Variants in DTWD2 observed in about 807,000 individuals in gnomAD.
DTWD2 encodes the protein DTW motif tRNA-uridine aminocarboxypropyltransferase 2.
A neutral mutation model predicts 31.8 loss-of-function variants in DTWD2; 39 were observed. The ratio of observed to expected loss-of-function variants is 1.22; its 90% CI spans 0.95 to 1.60. The LOEUF is 1.60. Among genes scored for constraint, DTWD2 ranks in the 40% most tolerant of loss-of-function variants. The pLI is 0.00. For missense variants in DTWD2, 515 were observed against 381.5 expected (o/e 1.35, Z -2.92); for synonymous variants, 180 against 142.8 (o/e 1.26, Z -1.86).
intron 1 of DTWD2, among the ~76,000 whole-genome samples, chr5:118,954,563 G>T (rs541947850): frequency 6.6e-6 from 1 of 152,114 alleles, no homozygotes; most frequent in African/African-American, 2.4e-5. Flanking sequence ...ACCCAGGCTG[G>T]AGTGCAGTGG....
intron 4 of DTWD2, among the ~76,000 whole-genome samples, chr5:118,922,987 A>T (rs1753735503): frequency 6.6e-6 from 1 of 152,124 alleles, no homozygotes; most frequent in Admixed American, 6.5e-5. Context: ...TCTTTTTTTT[A>T]ACCAGCACAT....
chr5:118,876,848 G>A (rs905002374), intron 4 of DTWD2, among the ~76,000 whole-genome samples: 1 of 152,132 alleles, frequency 6.6e-6, no homozygotes, highest in Non-Finnish European at 1.5e-5. Context: ...AAAGATTGAG[G>A]AGGAGGGACT....
intron 3 of DTWD2, among the ~76,000 whole-genome samples, chr5:118,935,448 C>A (rs547486570): frequency 6.6e-6 from 1 of 152,104 alleles, no homozygotes; most frequent in Non-Finnish European, 1.5e-5. Context: ...ACTATCCCCA[C>A]GTAGGCAGGG....
intron 1 of DTWD2, among the ~76,000 whole-genome samples, chr5:118,956,897 A>G (rs2149591244): frequency 6.7e-6 from 1 of 149,726 alleles, no homozygotes; most frequent in Non-Finnish European, 1.5e-5. Flanking sequence ...TCCAATTTTA[A>G]AACTGGCTTT....
chr5:118,954,340 G>A (rs1048985439), intron 1 of DTWD2, among the ~76,000 whole-genome samples: 1 of 152,044 alleles, frequency 6.6e-6, no homozygotes, highest in African/African-American at 2.4e-5. Flanking sequence ...CCCTTATTCT[G>A]ACTGATTTTT....
At chr5:118,891,348 A>C (rs1752974175) in intron 4 of DTWD2, among the ~76,000 whole-genome samples, 1 of 152,166 alleles carries the variant, frequency 6.6e-6, no homozygotes, top group South Asian at 2.1e-4. Context: ...GCACATAATC[A>C]TATCAGCTGC....
chr5:118,960,233 C>T (rs960107776), intron 1 of DTWD2, among the ~76,000 whole-genome samples: 2 of 151,650 alleles, frequency 1.3e-5, no homozygotes, highest in African/African-American at 4.8e-5. Context: ...AAACTTAAAT[C>T]TACAAGCAAA....
At chr5:118,857,120 TGC>T (rs936841628) in intron 4 of DTWD2, among the ~76,000 whole-genome samples, 6 of 152,152 alleles carry the variant, frequency 3.9e-5, no homozygotes, top group African/African-American at 1.4e-4. Flanking sequence ...GAAATGTAGA[TGC>T]ACACGTACAC....
chr5:118,983,012 C>T (rs1755340502), intron 1 of DTWD2, among the ~76,000 whole-genome samples: 1 of 152,080 alleles, frequency 6.6e-6, no homozygotes, highest in East Asian at 1.9e-4. Flanking sequence ...TTTCTAAGTG[C>T]TGATACTGAT....
At chr5:118,895,778 T>C (rs1753071493) in intron 4 of DTWD2, among the ~76,000 whole-genome samples, 1 of 152,234 alleles carries the variant, frequency 6.6e-6, no homozygotes, top group South Asian at 2.1e-4. Flanking sequence ...GCAGTCTCTT[T>C]AATAAATGGT....
At chr5:118,972,507 C>CAGGAA (rs1755010094) in intron 1 of DTWD2, among the ~76,000 whole-genome samples, 1 of 152,086 alleles carries the variant, frequency 6.6e-6, no homozygotes, top group African/African-American at 2.4e-5. Flanking sequence ...AAAGAAAGCC[C>CAGGAA]AGGAAAGGAT....
chr5:118,921,691 T>C (rs1035929365), intron 4 of DTWD2, among the ~76,000 whole-genome samples: 2 of 152,194 alleles, frequency 1.3e-5, no homozygotes, highest in Admixed American at 6.5e-5. Context: ...ATTTAAAGCA[T>C]ATTTCCTGGA....
chr5:118,914,992 TAA>T (rs1460681804), intron 4 of DTWD2, among the ~76,000 whole-genome samples: 1 of 152,140 alleles, frequency 6.6e-6, no homozygotes, highest in Admixed American at 6.5e-5. Flanking sequence ...TGTGGGAGGC[TAA>T]GGTGGGTGGA....
intron 4 of DTWD2, among the ~76,000 whole-genome samples, chr5:118,856,210 T>C (rs1752130946): frequency 6.6e-6 from 1 of 152,208 alleles, no homozygotes; most frequent in African/African-American, 2.4e-5. Flanking sequence ...GTATCCTAAA[T>C]AAGACAATTG....
chr5:118,972,079 A>C (rs1755000544), intron 1 of DTWD2, among the ~76,000 whole-genome samples: 1 of 151,900 alleles, frequency 6.6e-6, no homozygotes, highest in African/African-American at 2.4e-5. Context: ...AACAAGACCA[A>C]ACAAACTCCA....
rs143804536 is a variant in DTWD2 at position 118,908,435 on chromosome 5, T to C, written c.597+20102A>G. 9.5e-3 allele frequency among the ~76,000 whole-genome samples: 1,449 copies of C among 152,262 alleles called. 12 individuals carry two copies. Among genetic ancestry groups the C allele is most frequent in the South Asian group, 0.027 (130 of 4,828 alleles). On this transcript the variant is annotated intron_variant, in intron 4 of 5. Transcript: ENST00000510708. Reference sequence around the variant, plus strand: ...CTTCATTGCATTTCTGGGTAAACTATGGCTCAGAGAAATTAAATGAGTTGT... The same window carrying C: ...CTTCATTGCATTTCTGGGTAAACTACGGCTCAGAGAAATTAAATGAGTTGT...
chr5:118,984,460 CA>C (rs955298520), intron 1 of DTWD2, among the ~76,000 whole-genome samples: 3,554 of 74,472 alleles, frequency 0.048, 111 homozygotes, highest in African/African-American at 0.14. Context: ...GACTCCGTTT[CA>C]AAAAAAAAAA....
At chr5:118,910,314 G>GTAC (rs1435609953) in intron 4 of DTWD2, among the ~76,000 whole-genome samples, 1 of 152,164 alleles carries the variant, frequency 6.6e-6, no homozygotes, top group Non-Finnish European at 1.5e-5. Flanking sequence ...CTGCTCAGTA[G>GTAC]TACTGCCTTC....
At chr5:118,915,920 G>A (rs1753565534) in intron 4 of DTWD2, among the ~76,000 whole-genome samples, 1 of 152,096 alleles carries the variant, frequency 6.6e-6, no homozygotes, top group African/African-American at 2.4e-5. Flanking sequence ...ATCCAAATAG[G>A]AACTACTCCA....
Sources: gnomAD v4.1 joint callset for allele counts (sites outside exome capture counted in the v4.1 genomes callset) on GRCh38, gnomAD v4.1.1 for gene constraint, MANE v1.5 for transcripts, NCBI Gene and HGNC (gene_info 2026-07-23, HGNC 2026-07-21) for gene names.